XRRA1: variants seen among roughly 807,000 people sequenced by gnomAD.
XRRA1 encodes X-ray radiation resistance associated 1, also known as X-ray radiation resistance-associated protein 1.
A neutral mutation model predicts 80.2 loss-of-function variants in XRRA1; 69 were observed. The ratio of observed to expected loss-of-function variants is 0.86; its 90% confidence interval spans 0.71 to 1.05. The LOEUF (loss-of-function observed/expected upper bound fraction) is 1.05. Ranked by LOEUF, XRRA1 falls within the 50% of genes least tolerant of loss-of-function variation. The pLI is 0.00. For missense variants in XRRA1, 967 were observed against 976.4 expected (o/e 0.99, Z 0.13); for synonymous variants, 348 against 389.9 (o/e 0.89, Z 1.27).
intron 7 of XRRA1, among the ~76,000 whole-genome samples, chr11:74,922,476 C>T (rs935286960): frequency 6.6e-6 from 1 of 152,058 alleles, no homozygotes; most frequent in African/African-American, 2.4e-5. Context: ...ATTTGTTCTC[C>T]TTCTCCTAAG....
chr11:74,878,846 A>G (rs1468163598), intron 10 of XRRA1, among the ~76,000 whole-genome samples: 1 of 151,786 alleles, frequency 6.6e-6, no homozygotes, highest in Non-Finnish European at 1.5e-5. Flanking sequence ...TACCAGTACC[A>G]TGCTGTTTTG....
intron 10 of XRRA1, among the ~76,000 whole-genome samples, chr11:74,898,208 G>A (rs959367548): frequency 5.3e-5 from 8 of 152,110 alleles, no homozygotes; most frequent in African/African-American, 1.7e-4. Flanking sequence ...TTAAAATAAC[G>A]GGTTATAAGA....
intron 10 of XRRA1, among the ~76,000 whole-genome samples, chr11:74,867,818 A>G (rs945402261): frequency 6.6e-6 from 1 of 151,762 alleles, no homozygotes; most frequent in African/African-American, 2.4e-5. Context: ...AAAGGCAGCT[A>G]GAGAGAAAGG....
In XRRA1 at chr11:74,906,334, T is replaced by TG; in HGVS notation, c.907dup (p.Gln303ProfsTer12). 6.2e-7 allele frequency: 1 copy of TG among 1,614,006 alleles called. No individual in the cohort carries two copies. The highest frequency in any genetic ancestry group is 1.3e-5 in the African/African-American group (1 of 75,052). On this transcript the variant is annotated frameshift_variant, in exon 10 of 19. Transcript: ENST00000684022. LOFTEE classifies it high-confidence loss of function. The stretch of plus-strand genomic sequence containing the variant: ...CCTTGGCTTGGACTGCAGCATGAAT[T>TG]GGGGCTCTTTATGGGGACTTCCCCT...
At chr11:74,898,146 A>G (rs968591117) in intron 10 of XRRA1, among the ~76,000 whole-genome samples, 1 of 152,040 alleles carries the variant, frequency 6.6e-6, no homozygotes, top group Non-Finnish European at 1.5e-5. Flanking sequence ...AGTTTTTGTT[A>G]GTTTTCTTTT....
intron 10 of XRRA1, among the ~76,000 whole-genome samples, chr11:74,873,774 T>C (rs1590837036): frequency 1.3e-5 from 2 of 152,178 alleles, no homozygotes; most frequent in South Asian, 2.1e-4. Flanking sequence ...AGTACCTGGG[T>C]GTAGTGTTGT....
Position 74,848,095 on chromosome 11 carries a change from G to C in XRRA1, c.1728+20C>G, listed in dbSNP as rs1422018632. The C allele has an allele frequency of 3.1e-6, 5 of 1,593,016 alleles. No homozygotes were observed. In the South Asian group the frequency reaches 5.5e-5, roughly 18 times the overall value. ...GTGGGAGCTAGCAACAAGTGGGCAG[G>C]GGCAGCTGGATACAGGTACCTGGGT... On this transcript the variant is annotated intron_variant, in intron 15 of 18. Coordinates refer to ENST00000684022, the MANE Select transcript of XRRA1 (RefSeq NM_001378157.1).
At chr11:74,876,722 G>C (rs2046125802) in intron 10 of XRRA1, 1 of 152,148 alleles carries the variant, frequency 6.6e-6, no homozygotes, top group South Asian at 2.1e-4. Flanking sequence ...CAGCCCAGAG[G>C]AATGTCCTGG....
intron 11 of XRRA1, among the ~76,000 whole-genome samples, chr11:74,862,089 C>T (rs1013250138): frequency 3.3e-5 from 5 of 152,208 alleles, no homozygotes; most frequent in Non-Finnish European, 7.3e-5. Flanking sequence ...TTCGCCCTTG[C>T]TCTCTTGAAA....
chr11:74,931,297 C>T (rs554032299), intron 5 of XRRA1, among the ~76,000 whole-genome samples: 1 of 151,964 alleles, frequency 6.6e-6, no homozygotes, highest in East Asian at 1.9e-4. Context: ...TTGAAATTTA[C>T]ATATGTTGAC....
intron 16 of XRRA1, among the ~76,000 whole-genome samples, chr11:74,844,660 G>A (rs1389326098): frequency 6.6e-6 from 1 of 152,218 alleles, no homozygotes; most frequent in Non-Finnish European, 1.5e-5. Context: ...ACACAGAGAT[G>A]AAGCTGCCTC....
At chr11:74,946,523 T>C (rs1947562796) in intron 1 of XRRA1, among the ~76,000 whole-genome samples, 1 of 152,182 alleles carries the variant, frequency 6.6e-6, no homozygotes, top group East Asian at 1.9e-4. Context: ...GCCATGATTG[T>C]AAATTTCCTG....
Position 74,889,311 on chromosome 11 carries a change from C to A in XRRA1, c.1003+16928G>T, listed in dbSNP as rs560138097. Among the ~76,000 whole-genome samples the A allele has an allele frequency of 1.5e-3, 231 of 152,156 alleles. 1 individual carries two copies. Among genetic ancestry groups the A allele is most frequent in the African/African-American group, 5.1e-3 (213 of 41,502 alleles). On this transcript the variant is annotated intron_variant, in intron 10 of 18. Coordinates refer to ENST00000684022, the MANE Select transcript of XRRA1 (RefSeq NM_001378157.1). ...TTCATATCCAGCCAAACTAAGCTTC[C>A]TAAGTGAAGGAGAAATAAAATCCTT...
At chr11:74,844,595 G>A (rs1449083393) in intron 16 of XRRA1, among the ~76,000 whole-genome samples, 1 of 152,162 alleles carries the variant, frequency 6.6e-6, no homozygotes, top group Non-Finnish European at 1.5e-5. Context: ...ATATCGCAGG[G>A]GCTAACACCC....
chr11:74,888,965 G>C (rs890910835), intron 10 of XRRA1, among the ~76,000 whole-genome samples: 1 of 152,204 alleles, frequency 6.6e-6, no homozygotes, highest in Non-Finnish European at 1.5e-5. Context: ...AATGGAACAA[G>C]TTGGAAAACA....
At chr11:74,879,133 A>C in intron 10 of XRRA1, among the ~76,000 whole-genome samples, 1 of 149,262 alleles carries the variant, frequency 6.7e-6, no homozygotes, top group African/African-American at 2.5e-5. Context: ...ATCCTCTTTT[A>C]TTTCCTTGAG....
At position 74,843,920 on chromosome 11, in the gene XRRA1, C is replaced by T; in HGVS notation, c.2083G>A (p.Ala695Thr). 6.2e-7 allele frequency: 1 copy of T among 1,613,670 alleles called. No individual in the cohort carries two copies. Among genetic ancestry groups the T allele is most frequent in the Non-Finnish European group, 8.5e-7 (1 of 1,179,776 alleles). Residue 695 changes from alanine to threonine, a missense_variant, in exon 18 of 19, where the codon GCC becomes ACC. By Grantham distance (58) the Ala-to-Thr change is moderately conservative. Coordinates refer to ENST00000684022, the MANE Select transcript of XRRA1 (RefSeq NM_001378157.1). ...ATGAAGATGTCATCCAGAAGTTGGG[C>T]TCTAGTCTTCTTTGGGGGTGGAATC... is the stretch of plus-strand genomic sequence containing the variant. ...IPIPPPKKTRAQLLDDIFIRL... is the reference protein window; with the variant it reads ...IPIPPPKKTRTQLLDDIFIRL...
intron 8 of XRRA1, among the ~76,000 whole-genome samples, chr11:74,918,299 AGTGTGT>A (rs35763136): frequency 0.021 from 3,211 of 150,140 alleles, 128 homozygotes; most frequent in African/African-American, 0.074. Context: ...TTCCTTCCTT[AGTGTGT>A]GTGTGTGTGT....
chr11:74,852,019 G>A lies in XRRA1; in HGVS notation c.1234C>T (p.His412Tyr). 6.2e-7 allele frequency: 1 copy of A among 1,613,976 alleles called. No individual in the cohort carries two copies. Among genetic ancestry groups the A allele is most frequent in the South Asian group, 1.1e-5 (1 of 91,084 alleles). Residue 412 changes from histidine (H) to tyrosine (Y), a missense_variant, in exon 13 of 19, where the codon CAT (histidine) becomes TAT (tyrosine). Coordinates refer to ENST00000684022, the MANE Select transcript of XRRA1 (RefSeq NM_001378157.1). The part of the protein sequence containing the change: ...LFPSLCEFVF[H>Y]NNPLVAHTRG... The stretch of plus-strand genomic sequence containing the variant: ...GTATGGGCCACCAGAGGGTTGTTAT[G>A]AAAGACGAACTCGCAGAGAGATGGG...
Sources: allele counts gnomAD v4.1 joint callset (sites outside exome capture counted in the v4.1 genomes callset), GRCh38; gene constraint gnomAD v4.1.1; transcripts MANE v1.5; gene names NCBI Gene and HGNC (gene_info 2026-07-23, HGNC 2026-07-21).